Variants in ADAM12 observed in about 807,000 individuals in gnomAD.
The protein encoded by ADAM12 is disintegrin and metalloproteinase domain-containing protein 12.
ADAM12 carries 70 observed loss-of-function variants against 106.4 expected under a neutral mutation model. The observed-to-expected ratio is 0.66, with a 90% CI of 0.54 to 0.80. The LOEUF (loss-of-function observed/expected upper bound fraction) is 0.80, where lower values mean the gene tolerates loss of function less well. Among genes scored for constraint, ADAM12 ranks in the 30% least tolerant of loss-of-function variants. ADAM12 has a pLI of 0.00. For synonymous variants in ADAM12, 420 were observed against 433.5 expected (o/e 0.97, Z 0.39); for missense variants, 1,010 against 1,171.9 (o/e 0.86, Z 2.02).
intron 3 of ADAM12, among the ~76,000 whole-genome samples, chr10:126,274,536 T>C (rs1033845970): frequency 1.3e-5 from 2 of 152,230 alleles, no homozygotes; most frequent in African/African-American, 2.4e-5. Context: ...CTTGTTAGTT[T>C]TGGCCCATTG....
intron 11 of ADAM12, among the ~76,000 whole-genome samples, chr10:126,081,836 C>A (rs542419259): frequency 6.6e-6 from 1 of 152,126 alleles, no homozygotes. Context: ...GCCCTGACTG[C>A]GAATCCCCCC....
chr10:126,224,387 T>C (rs1463523345), intron 3 of ADAM12, among the ~76,000 whole-genome samples: 1 of 152,192 alleles, frequency 6.6e-6, no homozygotes, highest in Non-Finnish European at 1.5e-5. Context: ...CTGTCTTGCC[T>C]TCCTGGAGCT....
At chr10:126,279,899 G>A (rs1326583580) in intron 2 of ADAM12, among the ~76,000 whole-genome samples, 1 of 152,174 alleles carries the variant, frequency 6.6e-6, no homozygotes, top group Non-Finnish European at 1.5e-5. Flanking sequence ...CTCAATTAGT[G>A]CTTCCTTCAG....
At chr10:126,349,048 G>C (rs372661713) in intron 1 of ADAM12, among the ~76,000 whole-genome samples, 1 of 152,200 alleles carries the variant, frequency 6.6e-6, no homozygotes, top group Non-Finnish European at 1.5e-5. Context: ...AAAATTTGAA[G>C]TTAACATGAG....
intron 3 of ADAM12, among the ~76,000 whole-genome samples, chr10:126,206,735 C>G (rs996042684): frequency 6.6e-6 from 1 of 151,906 alleles, no homozygotes; most frequent in African/African-American, 2.4e-5. Flanking sequence ...GGAGGGTCTT[C>G]TTTCTCCTGA....
chr10:126,066,105 T>C lies in ADAM12; in HGVS notation c.1413+612A>G, dbSNP rs74158102. On this transcript the variant is annotated intron_variant, in intron 13 of 22. Coordinates refer to ENST00000448723, the MANE Select transcript of ADAM12 (RefSeq NM_001288973.2). This position sits in a 1 kb window ranked among gnomAD's most constrained non-coding sequence, Gnocchi z 5.1. Reference sequence around the variant, plus strand: ...TGAAATAAAACTCTACCCTTGGAACTGTTGAATCAAAAGCTCAGGCTTCTA... The same window carrying C: ...TGAAATAAAACTCTACCCTTGGAACCGTTGAATCAAAAGCTCAGGCTTCTA... Among the ~76,000 whole-genome samples the C allele has an allele frequency of 3.3e-3, 498 of 152,322 alleles. 4 individuals carry two copies. The highest frequency in any genetic ancestry group is 0.012 in the African/African-American group (481 of 41,570).
intron 3 of ADAM12, among the ~76,000 whole-genome samples, chr10:126,239,555 G>C (rs967872106): frequency 1.3e-5 from 2 of 152,066 alleles, no homozygotes; most frequent in African/African-American, 4.8e-5. Flanking sequence ...AATGGGTATG[G>C]GGTAACATTT....
At chr10:126,329,129 TAA>T (rs59399247) in intron 2 of ADAM12, among the ~76,000 whole-genome samples, 14 of 145,660 alleles carry the variant, frequency 9.6e-5, no homozygotes, top group Admixed American at 4.1e-4. Flanking sequence ...AACAAATACT[TAA>T]AAAAAAAAAA....
intron 21 of ADAM12, among the ~76,000 whole-genome samples, chr10:126,035,874 T>C (rs1000496313): frequency 1.3e-5 from 2 of 152,200 alleles, no homozygotes; most frequent in African/African-American, 2.4e-5. Flanking sequence ...TTCTCAATAG[T>C]GTCATCGTTT....
rs186299644 is a variant in ADAM12 at position 126,018,678 on chromosome 10, A to C, written c.2660+1017T>G. 9.2e-5 allele frequency among the ~76,000 whole-genome samples: 14 copies of C among 152,296 alleles called. No individual in the cohort carries two copies. The East Asian group carries it at 1.9e-3, about 21-fold the overall frequency. ...CTTGCAAAATTCCTGGAAATTGGTT[A>C]TCTCTCACCAACCAGGGTAAGCTGG... On this transcript the variant is annotated intron_variant, in intron 22 of 22. Transcript: ENST00000448723.
intron 3 of ADAM12, among the ~76,000 whole-genome samples, chr10:126,246,865 T>C (rs1262309075): frequency 6.6e-6 from 1 of 152,160 alleles, no homozygotes; most frequent in Non-Finnish European, 1.5e-5. Context: ...CAGCATAGTA[T>C]TGGAAGTTCT....
intron 1 of ADAM12, among the ~76,000 whole-genome samples, chr10:126,387,705 C>G (rs1258329443): frequency 2.6e-5 from 4 of 152,030 alleles, no homozygotes; most frequent in African/African-American, 9.7e-5. Flanking sequence ...ATAGGGCCAG[C>G]AAGAGGACCC....
chr10:126,231,873 G>T (rs546734078), intron 3 of ADAM12, among the ~76,000 whole-genome samples: 2 of 152,046 alleles, frequency 1.3e-5, no homozygotes, highest in South Asian at 4.2e-4. Flanking sequence ...CTCTCTTTAG[G>T]TGACTCGGTC....
At chr10:126,251,811 AAT>A (rs1958771964) in intron 3 of ADAM12, among the ~76,000 whole-genome samples, 1 of 144,186 alleles carries the variant, frequency 6.9e-6, no homozygotes, top group Admixed American at 6.9e-5. Context: ...TGGATACATG[AAT>A]TGATGGGATG....
At chr10:126,191,524 TAGA>T (rs1957500397) in intron 3 of ADAM12, among the ~76,000 whole-genome samples, 1 of 149,986 alleles carries the variant, frequency 6.7e-6, no homozygotes, top group African/African-American at 2.4e-5. Context: ...TTGATGTGTA[TAGA>T]AGGAGATGGA....
At chr10:126,093,117 T>C (rs11244809) in intron 11 of ADAM12, among the ~76,000 whole-genome samples, 28,640 of 152,126 alleles carry the variant, frequency 0.19, 3,949 homozygotes, top group African/African-American at 0.37. Context: ...TGGGCTGGAA[T>C]GTTCCATGAA....
rs1215369145 is a variant in ADAM12 at position 126,243,473 on chromosome 10, C to CTGTG, written c.260+35438_260+35441dup. On this transcript the variant is annotated intron_variant, in intron 3 of 22. Coordinates refer to ENST00000448723, the MANE Select transcript of ADAM12 (RefSeq NM_001288973.2). ...CTGTGTAGACCAGTGGGGAGCAACT[C>CTGTG]TGTGTGTGTGAGTGTATGTGTGTGT... 3.6e-3 allele frequency among the ~76,000 whole-genome samples: 351 copies of CTGTG among 97,248 alleles called. 1 individual carries two copies. Among genetic ancestry groups the CTGTG allele is most frequent in the African/African-American group, 0.013 (317 of 23,634 alleles). 63.8% of individuals were successfully genotyped at this position (97,248 alleles called of 152,430 possible).
intron 6 of ADAM12, among the ~76,000 whole-genome samples, chr10:126,117,568 T>C (rs1956006424): frequency 6.6e-6 from 1 of 152,084 alleles, no homozygotes; most frequent in Admixed American, 6.5e-5. Flanking sequence ...CTGCAAATTA[T>C]AAGAACCCAA....
At chr10:126,234,293 G>A (rs1351587369) in intron 3 of ADAM12, among the ~76,000 whole-genome samples, 2 of 152,060 alleles carry the variant, frequency 1.3e-5, no homozygotes, top group Admixed American at 6.6e-5. Context: ...TTTGTAATAA[G>A]AAAAGCAATA....
Sources: allele counts gnomAD v4.1 joint callset (sites outside exome capture counted in the v4.1 genomes callset), GRCh38; gene constraint gnomAD v4.1.1; non-coding constraint Gnocchi (gnomAD v3.1); transcripts MANE v1.5; gene names NCBI Gene and HGNC (gene_info 2026-07-23, HGNC 2026-07-21).